CLIC2: variants seen among roughly 807,000 people sequenced by gnomAD.
CLIC2 encodes the protein CLIC family member 2.
CLIC2 carries 9 observed loss-of-function variants against 14.8 expected under a neutral mutation model. The observed-to-expected ratio is 0.61, with a 90% CI of 0.37 to 1.06. The LOEUF (loss-of-function observed/expected upper bound fraction) is 1.06. Ranked by LOEUF, CLIC2 falls within the 50% of genes least tolerant of loss-of-function variation. CLIC2 has a pLI of 0.01. For missense variants in CLIC2, 148 were observed against 181.4 expected, an observed-to-expected ratio of 0.82 and a Z score of 1.06; for synonymous variants, 61 against 66.3, an observed-to-expected ratio of 0.92 and a Z score of 0.39.
chrX:155,299,654 C>T (rs1241447689), intron 1 of CLIC2, among the ~76,000 whole-genome samples: 6 of 107,439 alleles, frequency 5.6e-5, no homozygotes, highest in Admixed American at 5.0e-4. Flanking sequence ...TATACATGTG[C>T]CATGCTGGTG....
At chrX:155,308,771 T>C (rs2075064178) in intron 1 of CLIC2, among the ~76,000 whole-genome samples, 1 of 111,549 alleles carries the variant, frequency 9.0e-6, no homozygotes, top group South Asian at 3.7e-4. Context: ...AGTGAAGGTG[T>C]TGAAAGAAAA....
At chrX:155,326,626 T>C (rs2075139389) in intron 1 of CLIC2, among the ~76,000 whole-genome samples, 2 of 111,807 alleles carry the variant, frequency 1.8e-5, no homozygotes, top group Non-Finnish European at 3.8e-5. Context: ...AAGAAACCTG[T>C]AAAAGAGGAT....
chrX:155,303,950 G>A (rs1464778409), intron 1 of CLIC2, among the ~76,000 whole-genome samples: 2 of 106,889 alleles, frequency 1.9e-5, no homozygotes, highest in African/African-American at 3.4e-5. Context: ...CGACAGATCC[G>A]CTGTTAGTCT....
chrX:155,329,727 C>T (rs781954370), intron 1 of CLIC2, among the ~76,000 whole-genome samples: 1 of 110,032 alleles, frequency 9.1e-6, no homozygotes, highest in South Asian at 3.9e-4. Flanking sequence ...TCACAGAGAT[C>T]TCTGCACTCC....
intron 1 of CLIC2, among the ~76,000 whole-genome samples, chrX:155,304,164 C>T (rs1557319604): frequency 2.8e-5 from 3 of 108,555 alleles, no homozygotes; most frequent in African/African-American, 6.7e-5. Context: ...TGGATAATAT[C>T]CCGCAGAGTG....
chrX:155,286,199 T>G (rs373953891), intron 3 of CLIC2, among the ~76,000 whole-genome samples: 28 of 112,125 alleles, frequency 2.5e-4, no homozygotes, highest in Admixed American at 1.7e-3. Flanking sequence ...TTCTCATCAT[T>G]TAGCTCCCGC....
At chrX:155,291,659 T>C (rs914346983) in intron 3 of CLIC2, among the ~76,000 whole-genome samples, 1 of 111,873 alleles carries the variant, frequency 8.9e-6, no homozygotes, top group Admixed American at 9.5e-5. Context: ...ATCAGACGGA[T>C]TTGACAAGAT....
chrX:155,279,918 T>C (rs2074912641), intron 4 of CLIC2, 44 bp downstream of exon 4: 1 of 922,924 alleles, frequency 1.1e-6, no homozygotes, highest in Non-Finnish European at 1.6e-6. Context: ...AGTGAGAAGA[T>C]GAAGAGTGAG....
chrX:155,278,046 G>T lies in CLIC2; in HGVS notation c.601C>A (p.Arg201Ser), dbSNP rs5940668. The change falls in exon 6 of 6, where the codon CGT (arginine) becomes AGT (serine). Residue 201 changes from arginine (R) to serine (S), a missense_variant. By Grantham distance (110) the Arg-to-Ser change is moderately radical (BLOSUM62 -1). Coordinates refer to ENST00000369449, the MANE Select transcript of CLIC2 (RefSeq NM_001289.6). ...NIIKVAAKKY[R>S]DFDIPAEFSG... is the part of the protein sequence containing the mutation. Reference sequence around the variant, plus strand: ...AATTCTGCTGGAATGTCAAAGTCACGATATTTCTTGGCAGCAACCTAGAAT... The same window carrying T: ...AATTCTGCTGGAATGTCAAAGTCACTATATTTCTTGGCAGCAACCTAGAAT... 8.3e-7 allele frequency: 1 copy of T among 1,210,664 alleles called. No individual in the cohort carries two copies. Among genetic ancestry groups the T allele is most frequent in the Non-Finnish European group, 1.1e-6 (1 of 895,027 alleles).
chrX:155,307,951 C>T (rs1352030508), intron 1 of CLIC2, among the ~76,000 whole-genome samples: 1 of 110,714 alleles, frequency 9.0e-6, no homozygotes, highest in Non-Finnish European at 1.9e-5. Flanking sequence ...ACGATGGGTA[C>T]AAACAGGCCC....
At chrX:155,281,836 C>T (rs1344576825) in intron 3 of CLIC2, among the ~76,000 whole-genome samples, 1 of 111,278 alleles carries the variant, frequency 9.0e-6, no homozygotes, top group African/African-American at 3.3e-5. Flanking sequence ...GCAATGTCCT[C>T]ATCTCAGAGT....
chrX:155,288,368 G>A (rs1401800241), intron 3 of CLIC2, among the ~76,000 whole-genome samples: 1 of 111,950 alleles, frequency 8.9e-6, no homozygotes, highest in African/African-American at 3.2e-5. Context: ...GCAATCATAG[G>A]TTTAATAATA....
chrX:155,301,288 C>T (rs1380045904), intron 1 of CLIC2, among the ~76,000 whole-genome samples: 1 of 107,541 alleles, frequency 9.3e-6, no homozygotes, highest in African/African-American at 3.4e-5. Context: ...TGAAGAGGTC[C>T]TTCACATCCC....
chrX:155,298,643 G>A lies in CLIC2; in HGVS notation c.293+142C>T. ...ATCTTTTTGTATTTGAAGTTGGAGG[G>A]GTATGTTTATGCATGTGTGTCATTT... On this transcript the variant is annotated intron_variant, in intron 3 of 5. Transcript: ENST00000369449. 3 of 583,940 alleles carry A rather than the reference G, an allele frequency of 5.1e-6. 1 individual carries two copies. The allele number at this position is 583,940 out of a possible 1,213,427, so 48.1% of individuals were successfully genotyped here.
intron 1 of CLIC2, among the ~76,000 whole-genome samples, chrX:155,332,149 C>T (rs1229822659): frequency 9.0e-6 from 1 of 111,700 alleles, no homozygotes; most frequent in East Asian, 2.8e-4. Context: ...AAACCTTGCT[C>T]AAATCATTCA....
intron 3 of CLIC2, among the ~76,000 whole-genome samples, chrX:155,291,668 A>G (rs1456840745): frequency 8.9e-6 from 1 of 112,078 alleles, no homozygotes; most frequent in Non-Finnish European, 1.9e-5. Flanking sequence ...ATTTGACAAG[A>G]TGATTCACAG....
chrX:155,293,824 T>C (rs1391745553), intron 3 of CLIC2, among the ~76,000 whole-genome samples: 8 of 111,549 alleles, frequency 7.2e-5, no homozygotes, highest in African/African-American at 2.3e-4. Context: ...AAAACTATCA[T>C]TATATAATGA....
chrX:155,302,032 A>G (rs1475265807), intron 1 of CLIC2, among the ~76,000 whole-genome samples: 2 of 97,750 alleles, frequency 2.0e-5, no homozygotes, highest in Admixed American at 1.1e-4. Flanking sequence ...ATATTGGTCT[A>G]AAATTCTCTT....
Position 155,280,341 on chromosome X carries a change from C to T in CLIC2, c.294-273G>A, listed in dbSNP as rs781959742. On this transcript the variant is annotated intron_variant, in intron 3 of 5. Transcript: ENST00000369449. ...TGGTTTCCATACTTGCTCCTAAAAG[C>T]CTATTTGTCAGAAGATATAATGTCA... 6.2e-5 allele frequency among the ~76,000 whole-genome samples: 7 copies of T among 112,472 alleles called. No homozygotes were observed. In the South Asian group the frequency reaches 1.1e-3, roughly 18 times the overall value.
Sources: gnomAD v4.1 joint callset for allele counts (sites outside exome capture counted in the v4.1 genomes callset) on GRCh38, gnomAD v4.1.1 for gene constraint, MANE v1.5 for transcripts, NCBI Gene and HGNC (gene_info 2026-07-23, HGNC 2026-07-21) for gene names.